TANGO6: variants seen among roughly 807,000 people sequenced by gnomAD.
TANGO6 encodes the protein transport and Golgi organization protein 6 homolog.
In TANGO6, 90 loss-of-function variants were observed where a neutral mutation model predicts 114.2. The ratio of observed to expected loss-of-function variants is 0.79; its 90% CI spans 0.66 to 0.94. The LOEUF (loss-of-function observed/expected upper bound fraction) is 0.94, where lower values mean the gene tolerates loss of function less well. Among genes scored for constraint, TANGO6 ranks in the 40% least tolerant of loss-of-function variants. The probability of loss-of-function intolerance (pLI) is 0.00; values close to 1 mark genes in which losing one functional copy is unlikely to be tolerated. For missense variants in TANGO6, 1,274 were observed against 1,315.3 expected, an observed-to-expected ratio of 0.97 and a Z score of 0.49; for synonymous variants, 477 against 509.8, an observed-to-expected ratio of 0.94 and a Z score of 0.87.
At position 68,843,614 on chromosome 16, in the gene TANGO6, A is replaced by G. The variant is rs773484787; in HGVS notation, c.-4A>G. 8 of 1,613,198 alleles carry G rather than the reference A, an allele frequency of 5.0e-6. No homozygotes were observed. Among genetic ancestry groups the G allele is most frequent in the Non-Finnish European group, 5.9e-6 (7 of 1,179,552 alleles). On this transcript the variant is annotated 5_prime_UTR_variant, in exon 1 of 18. Coordinates refer to ENST00000261778, the MANE Select transcript of TANGO6 (RefSeq NM_024562.2). ...GGTCGCGAGCGTGGTGTTACACTCCAGTCATGGCGGCCCGACAGGCCGTGG... is the reference window on the plus strand; with the variant it reads ...GGTCGCGAGCGTGGTGTTACACTCCGGTCATGGCGGCCCGACAGGCCGTGG...
chr16:69,016,066 AT>A (rs1001458288), intron 15 of TANGO6, among the ~76,000 whole-genome samples: 1 of 150,708 alleles, frequency 6.6e-6, no homozygotes, highest in Non-Finnish European at 1.5e-5. Context: ...CCCGCTCCTT[AT>A]TTTTTTTCAT....
At chr16:68,892,037 T>C (rs1040976048) in intron 7 of TANGO6, among the ~76,000 whole-genome samples, 1 of 152,254 alleles carries the variant, frequency 6.6e-6, no homozygotes, top group South Asian at 2.1e-4. Context: ...TTTGAGAAAA[T>C]AGCAGCCTAC....
chr16:69,075,993 G>GACTTCGTGATCTTCCC (rs1960371159), intron 17 of TANGO6, among the ~76,000 whole-genome samples: 1 of 151,170 alleles, frequency 6.6e-6, no homozygotes, highest in African/African-American at 2.4e-5. Flanking sequence ...TCAATCTCCT[G>GACTTCGTGATCTTCCC]ACCTCGTGAT....
At chr16:69,058,383 A>G (rs1960065245) in intron 17 of TANGO6, among the ~76,000 whole-genome samples, 1 of 152,190 alleles carries the variant, frequency 6.6e-6, no homozygotes, top group African/African-American at 2.4e-5. Context: ...AATTCTTTAC[A>G]TTATTATCTC....
At chr16:68,922,239 A>T (rs1309376761) in intron 12 of TANGO6, among the ~76,000 whole-genome samples, 6 of 151,868 alleles carry the variant, frequency 4.0e-5, no homozygotes, top group South Asian at 2.1e-4. Context: ...ACAAAAACAA[A>T]ATTAAAAAAA....
chr16:68,916,069 A>G (rs1962999667), intron 11 of TANGO6, among the ~76,000 whole-genome samples: 1 of 152,202 alleles, frequency 6.6e-6, no homozygotes, highest in South Asian at 2.1e-4. Flanking sequence ...TGCTGACCAA[A>G]TTAATTCTAT....
intron 12 of TANGO6, 146 bp from the exon 13 acceptor site, chr16:68,927,422 G>C: frequency 1.3e-6 from 1 of 764,004 alleles, no homozygotes; most frequent in South Asian, 1.8e-5. Context: ...ATGGTATTCA[G>C]TGCTGGACCC....
intron 1 of TANGO6, among the ~76,000 whole-genome samples, chr16:68,859,591 A>C (rs1333664214): frequency 1.3e-5 from 2 of 152,238 alleles, no homozygotes; most frequent in Non-Finnish European, 2.9e-5. Flanking sequence ...AAGCCCAGTA[A>C]GATGATTAAG....
intron 17 of TANGO6, among the ~76,000 whole-genome samples, chr16:69,050,819 C>T (rs1959937203): frequency 6.6e-6 from 1 of 151,428 alleles, no homozygotes; most frequent in Admixed American, 6.6e-5. Context: ...GAGATGGGGT[C>T]TCACTATGTT....
At chr16:68,977,423 G>T (rs1348046675) in intron 15 of TANGO6, among the ~76,000 whole-genome samples, 1 of 151,078 alleles carries the variant, frequency 6.6e-6, no homozygotes, top group Non-Finnish European at 1.5e-5. Flanking sequence ...GCCAGGCGTG[G>T]TGGCTCACGC....
chr16:68,873,746 A>G (rs1962314202), intron 4 of TANGO6, among the ~76,000 whole-genome samples: 1 of 152,166 alleles, frequency 6.6e-6, no homozygotes, highest in South Asian at 2.1e-4. Flanking sequence ...TTTATTCTAC[A>G]TTGCTGAGTG....
intron 16 of TANGO6, among the ~76,000 whole-genome samples, chr16:69,032,253 A>G (rs1312262735): frequency 6.6e-6 from 1 of 152,012 alleles, no homozygotes; most frequent in Non-Finnish European, 1.5e-5. Flanking sequence ...TCGTTCATTC[A>G]TTCATTCATT....
intron 15 of TANGO6, among the ~76,000 whole-genome samples, chr16:69,011,993 G>A (rs1007233049): frequency 2.6e-5 from 4 of 152,168 alleles, no homozygotes; most frequent in Admixed American, 2.6e-4. Flanking sequence ...ACCTTCCAAA[G>A]CAACTCATTT....
chr16:69,071,313 A>G (rs1169254685), intron 17 of TANGO6, among the ~76,000 whole-genome samples: 2 of 152,204 alleles, frequency 1.3e-5, no homozygotes, highest in Admixed American at 1.3e-4. Flanking sequence ...CAATGAGTGT[A>G]TGCTAGCATT....
Position 68,988,800 on chromosome 16 carries a change from A to G in TANGO6, c.2842+14632A>G, listed in dbSNP as rs2152217508. On this transcript the variant is annotated intron_variant, in intron 15 of 17. Coordinates refer to ENST00000261778, the MANE Select transcript of TANGO6 (RefSeq NM_024562.2). ...CTGCAGCCTGAAACTCCAGGGCTCA[A>G]GTGGTCCTCCCACCCAGTCTCCCAA... Among the ~76,000 whole-genome samples, 3 of 151,204 alleles carry G rather than the reference A, an allele frequency of 2.0e-5. No homozygotes were observed. The South Asian group carries it at 6.3e-4, about 32-fold the overall frequency.
chr16:68,931,389 A>G (rs1488338911), intron 14 of TANGO6, among the ~76,000 whole-genome samples: 1 of 152,236 alleles, frequency 6.6e-6, no homozygotes, highest in Non-Finnish European at 1.5e-5. Context: ...TGGCCCAGCA[A>G]TTCCACTCCC....
At chr16:69,080,854 C>G (rs1280080495) in intron 17 of TANGO6, among the ~76,000 whole-genome samples, 1 of 152,134 alleles carries the variant, frequency 6.6e-6, no homozygotes, top group Non-Finnish European at 1.5e-5. Flanking sequence ...TAACCTTCCT[C>G]TAGGCCGGGC....
chr16:68,915,544 G>A (rs754824739), intron 11 of TANGO6, among the ~76,000 whole-genome samples: 2 of 152,200 alleles, frequency 1.3e-5, no homozygotes, highest in African/African-American at 2.4e-5. Flanking sequence ...GGTTACAGGC[G>A]TTAGCCACTG....
At chr16:68,939,233 C>T (rs1963327536) in intron 14 of TANGO6, among the ~76,000 whole-genome samples, 1 of 151,714 alleles carries the variant, frequency 6.6e-6, no homozygotes, top group African/African-American at 2.4e-5. Flanking sequence ...ATTAAAAGAC[C>T]ATGGTGGTTA....
Sources: gnomAD v4.1 joint callset for allele counts (sites outside exome capture counted in the v4.1 genomes callset) on GRCh38, gnomAD v4.1.1 for gene constraint, MANE v1.5 for transcripts, NCBI Gene and HGNC (gene_info 2026-07-23, HGNC 2026-07-21) for gene names.